Variants in MAGI2 observed in about 807,000 individuals in gnomAD.
MAGI2 encodes membrane-associated guanylate kinase, WW and PDZ domain-containing protein 2.
A neutral mutation model predicts 133.3 loss-of-function variants in MAGI2; 35 were observed. That is an observed-to-expected ratio of 0.26 (90% CI 0.20 to 0.35). The LOEUF is 0.35. MAGI2 is among the 10% of genes least tolerant of loss of function. The pLI is 1.00. For missense variants in MAGI2, 1,636 were observed against 1,863.4 expected (o/e 0.88, Z 2.25); for synonymous variants, 729 against 710.6 (o/e 1.03, Z -0.41).
intron 21 of MAGI2, among the ~76,000 whole-genome samples, chr7:78,054,233 C>A (rs969018279): frequency 3.3e-5 from 5 of 152,108 alleles, no homozygotes; most frequent in Non-Finnish European, 5.9e-5. Flanking sequence ...TCCAGCTATT[C>A]TCCTGCCTCA....
At chr7:78,918,316 C>T (rs1057029359) in intron 2 of MAGI2, among the ~76,000 whole-genome samples, 8 of 152,120 alleles carry the variant, frequency 5.3e-5, no homozygotes, top group African/African-American at 9.7e-5. Flanking sequence ...TATTTCAATA[C>T]CATATCTATG....
intron 11 of MAGI2, among the ~76,000 whole-genome samples, chr7:78,196,048 GGGTC>G (rs1828699679): frequency 6.6e-6 from 1 of 152,276 alleles, no homozygotes; most frequent in African/African-American, 2.4e-5. Flanking sequence ...TTTTGAGCCT[GGGTC>G]TGCTCACCTT....
chr7:79,018,684 A>C (rs2116664276), intron 1 of MAGI2, among the ~76,000 whole-genome samples: 1 of 152,358 alleles, frequency 6.6e-6, no homozygotes, highest in South Asian at 2.1e-4. Flanking sequence ...ATAGGCTCAA[A>C]GAAAAGGGAT....
intron 2 of MAGI2, among the ~76,000 whole-genome samples, chr7:78,684,467 C>T (rs1208379873): frequency 6.6e-6 from 1 of 152,122 alleles, no homozygotes; most frequent in African/African-American, 2.4e-5. Flanking sequence ...CTAACACAGA[C>T]CCAACTGCAG....
intron 2 of MAGI2, among the ~76,000 whole-genome samples, chr7:78,792,640 C>T (rs1787272350): frequency 6.6e-6 from 1 of 152,162 alleles, no homozygotes. Flanking sequence ...GGTTTATTTG[C>T]TTTTTATATT....
At chr7:78,876,194 G>C (rs753440141) in intron 2 of MAGI2, among the ~76,000 whole-genome samples, 9 of 151,626 alleles carry the variant, frequency 5.9e-5, no homozygotes, top group African/African-American at 2.2e-4. Flanking sequence ...GTGGTGGTGG[G>C]CACCTGTAAT....
chr7:79,226,991 A>G (rs576547792), intron 1 of MAGI2, among the ~76,000 whole-genome samples: 1 of 152,280 alleles, frequency 6.6e-6, no homozygotes, highest in African/African-American at 2.4e-5. Context: ...TCTCTAAAGT[A>G]GCTGTGAGAA....
intron 12 of MAGI2, among the ~76,000 whole-genome samples, chr7:78,186,763 A>G (rs559452165): frequency 6.6e-6 from 1 of 152,294 alleles, no homozygotes; most frequent in South Asian, 2.1e-4. Flanking sequence ...TTTAAACTTA[A>G]TTAGAATGCA....
chr7:79,167,331 C>T (rs530128412), intron 1 of MAGI2, among the ~76,000 whole-genome samples: 2 of 142,810 alleles, frequency 1.4e-5, no homozygotes, highest in East Asian at 4.4e-4. Flanking sequence ...ACTTCCCTAT[C>T]ACAGCTGAAA....
chr7:78,199,756 A>G (rs906526053), intron 11 of MAGI2, among the ~76,000 whole-genome samples: 6 of 152,232 alleles, frequency 3.9e-5, no homozygotes, highest in Admixed American at 3.3e-4. Context: ...TGGATTCAAG[A>G]TTAATTGTAC....
In MAGI2 at chr7:78,369,181, G is replaced by A. The variant is rs1156315653; in HGVS notation, c.1078C>T (p.Pro360Ser). The change falls in exon 7 of 22, where the codon CCC (proline) becomes TCC (serine). Residue 360 changes from proline (P) to serine (S), a missense_variant. Around this residue, in one of 5 missense-constraint regions of MAGI2, gnomAD observed 920 missense variants for 1,093.5 expected, o/e 0.84. Coordinates refer to ENST00000354212, the MANE Select transcript of MAGI2 (RefSeq NM_012301.4). The stretch of plus-strand genomic sequence containing the variant: ...TCAACATAATAAGTGCCATAAATGG[G>A]ATCATCGATTTTTTCCCAGCCATAT... Reference protein sequence around the residue: ...LPYGWEKIDDPIYGTYYVDHI... With the variant: ...LPYGWEKIDDSIYGTYYVDHI... 6.2e-7 allele frequency: 1 copy of A among 1,604,474 alleles called. No homozygotes were observed.
intron 3 of MAGI2, among the ~76,000 whole-genome samples, chr7:78,568,934 C>T (rs544244979): frequency 3.6e-4 from 54 of 152,100 alleles, no homozygotes; most frequent in Non-Finnish European, 7.2e-4. Flanking sequence ...ATTCCTTGAC[C>T]GTTCTGCACA....
At chr7:79,109,581 A>G (rs2129543793) in intron 1 of MAGI2, among the ~76,000 whole-genome samples, 1 of 152,344 alleles carries the variant, frequency 6.6e-6, no homozygotes, top group South Asian at 2.1e-4. Context: ...TGGAATTTAT[A>G]TTTAAACAGG....
chr7:79,323,250 C>A (rs1201760326), intron 1 of MAGI2, among the ~76,000 whole-genome samples: 1 of 152,174 alleles, frequency 6.6e-6, no homozygotes, highest in Non-Finnish European at 1.5e-5. Flanking sequence ...CCTCCCCTCT[C>A]CTCAATGAAC....
intron 6 of MAGI2, among the ~76,000 whole-genome samples, chr7:78,482,177 C>T (rs760949378): frequency 6.6e-6 from 1 of 151,796 alleles, no homozygotes; most frequent in South Asian, 2.1e-4. Context: ...TAGGGAAATG[C>T]AAATTAAAAC....
chr7:78,363,034 G>A (rs761291857), intron 7 of MAGI2, among the ~76,000 whole-genome samples: 1 of 152,134 alleles, frequency 6.6e-6, no homozygotes, highest in Non-Finnish European at 1.5e-5. Flanking sequence ...AAAAGTAGAA[G>A]TTAAAATAAT....
At position 78,082,716 on chromosome 7, in the gene MAGI2, C is replaced by T. The variant is rs185892870; in HGVS notation, c.3568-3631G>A. On this transcript the variant is annotated intron_variant, in intron 20 of 21. Coordinates refer to ENST00000354212, the MANE Select transcript of MAGI2 (RefSeq NM_012301.4). ...GGCTGGTGGTGGTTAGGTAATGGAA[C>T]GAAAATGCTGCTGCTGACATAGACT... Among the ~76,000 whole-genome samples the T allele has an allele frequency of 5.4e-4, 82 of 152,190 alleles. 1 individual carries two copies. The highest frequency in any genetic ancestry group is 1.9e-4 in the East Asian group (1 of 5,170).
intron 2 of MAGI2, among the ~76,000 whole-genome samples, chr7:78,646,786 C>G (rs1472613620): frequency 6.6e-6 from 1 of 152,192 alleles, no homozygotes; most frequent in Non-Finnish European, 1.5e-5. Flanking sequence ...CATCCTTTAG[C>G]GCTGACCAAC....
At chr7:79,037,390 ATTCT>A (rs1476172797) in intron 1 of MAGI2, among the ~76,000 whole-genome samples, 1 of 152,088 alleles carries the variant, frequency 6.6e-6, no homozygotes, top group Non-Finnish European at 1.5e-5. Context: ...GGATCTAGTT[ATTCT>A]TTCTATTACA....
Sources: allele counts gnomAD v4.1 joint callset (sites outside exome capture counted in the v4.1 genomes callset), GRCh38; gene constraint gnomAD v4.1.1; regional missense constraint gnomAD v4.1.1; transcripts MANE v1.5; gene names NCBI Gene and HGNC (gene_info 2026-07-23, HGNC 2026-07-21).